The following GABRB1 variants were observed in gnomAD, a reference collection of about 807,000 sequenced individuals.
GABRB1 encodes the protein gamma-aminobutyric acid type A receptor subunit beta1, also known as gamma-aminobutyric acid receptor subunit beta-1.
GABRB1 carries 17 observed loss-of-function variants against 51.6 expected under a neutral mutation model. The ratio of observed to expected loss-of-function variants is 0.33; its 90% CI spans 0.23 to 0.49. The LOEUF is 0.49. Ranked by LOEUF, GABRB1 falls within the 20% of genes least tolerant of loss-of-function variation. The probability of loss-of-function intolerance (pLI) is 0.99; values close to 1 mark genes in which losing one functional copy is unlikely to be tolerated. For missense variants in GABRB1, 410 were observed against 600.6 expected (o/e 0.68, Z 3.32); for synonymous variants, 247 against 218.9 (o/e 1.13, Z -1.14).
chr4:47,190,971 T>C lies in GABRB1; in HGVS notation c.461+29502T>C, dbSNP rs148479061. Among the ~76,000 whole-genome samples, 341 of 152,316 alleles carry C rather than the reference T, an allele frequency of 2.2e-3. 2 individuals are homozygous for C. The highest frequency in any genetic ancestry group is 7.3e-3 in the African/African-American group (302 of 41,572). On this transcript the variant is annotated intron_variant, in intron 4 of 8. Transcript: ENST00000295454. ...CATGTAATTTTTCCTCATACTCACA[T>C]TGCACATTTTATTTCTTGAATTGTC...
At chr4:47,005,739 G>A (rs779081276) in intron 1 of GABRB1, among the ~76,000 whole-genome samples, 1 of 38,600 alleles carries the variant, frequency 2.6e-5, no homozygotes, top group Admixed American at 1.8e-4. Flanking sequence ...TTAGGAACCA[G>A]TGCTTCTGCA....
chr4:47,254,328 G>T (rs1041732018), intron 4 of GABRB1, among the ~76,000 whole-genome samples: 2 of 144,750 alleles, frequency 1.4e-5, no homozygotes, highest in African/African-American at 5.2e-5. Context: ...TCTCTTCCTG[G>T]AATATACATG....
intron 3 of GABRB1, among the ~76,000 whole-genome samples, chr4:47,075,869 G>A (rs1480796023): frequency 6.6e-6 from 1 of 152,126 alleles, no homozygotes; most frequent in African/African-American, 2.4e-5. Context: ...AAATGCAGGA[G>A]TCATGAAAGC....
At chr4:47,211,443 A>G (rs530162793) in intron 4 of GABRB1, among the ~76,000 whole-genome samples, 1 of 152,296 alleles carries the variant, frequency 6.6e-6, no homozygotes, top group African/African-American at 2.4e-5. Context: ...ACAGAAACTC[A>G]TAGATGTTTC....
At chr4:47,405,558 CA>C (rs1452571237) in intron 7 of GABRB1, among the ~76,000 whole-genome samples, 1 of 151,964 alleles carries the variant, frequency 6.6e-6, no homozygotes, top group East Asian at 1.9e-4. Flanking sequence ...TGGCCTAAAA[CA>C]AAATAATTAA....
intron 8 of GABRB1, among the ~76,000 whole-genome samples, chr4:47,422,223 A>G (rs975116251): frequency 2.0e-5 from 3 of 152,168 alleles, no homozygotes; most frequent in Non-Finnish European, 2.9e-5. Flanking sequence ...TTATCCTTCC[A>G]TATCTTTGAC....
intron 3 of GABRB1, among the ~76,000 whole-genome samples, chr4:47,103,533 G>T (rs1479683991): frequency 6.6e-6 from 1 of 151,954 alleles, no homozygotes; most frequent in Non-Finnish European, 1.5e-5. Context: ...ATCAAGGTAT[G>T]TGTGATTGAA....
intron 5 of GABRB1, among the ~76,000 whole-genome samples, chr4:47,393,951 G>A (rs987811567): frequency 2.0e-5 from 3 of 152,212 alleles, no homozygotes; most frequent in Non-Finnish European, 4.4e-5. Context: ...TGCCAGTTTA[G>A]AGAATTAGGT....
At chr4:47,221,523 A>G (rs771167091) in intron 4 of GABRB1, among the ~76,000 whole-genome samples, 26 of 151,880 alleles carry the variant, frequency 1.7e-4, no homozygotes, top group Non-Finnish European at 3.7e-4. Context: ...ATTTTCTCTA[A>G]CTTCTCATTG....
intron 1 of GABRB1, among the ~76,000 whole-genome samples, chr4:47,007,017 G>A (rs1014916017): frequency 2.0e-5 from 3 of 152,038 alleles, no homozygotes; most frequent in Non-Finnish European, 4.4e-5. Flanking sequence ...GCATGTACTT[G>A]TTGTCCCACC....
chr4:47,036,590 A>T (rs1725578233), intron 3 of GABRB1, among the ~76,000 whole-genome samples: 1 of 152,184 alleles, frequency 6.6e-6, no homozygotes, highest in African/African-American at 2.4e-5. Context: ...GGCTGGGTAC[A>T]GTGGCCCCAA....
chr4:47,051,770 G>A lies in GABRB1; in HGVS notation c.240+19286G>A, dbSNP rs374326736. Among the ~76,000 whole-genome samples, 15 of 152,238 alleles carry A rather than the reference G, an allele frequency of 9.9e-5. No homozygotes were observed. The East Asian group carries it at 1.5e-3, about 16-fold the overall frequency. On this transcript the variant is annotated intron_variant, in intron 3 of 8. Transcript: ENST00000295454. ...AAGCACTGGACTTTTAATAGTAGAC[G>A]GTAAAGGCTTCAGGTTAATTTATTT...
intron 3 of GABRB1, among the ~76,000 whole-genome samples, chr4:47,084,351 G>A (rs530739975): frequency 1.3e-4 from 20 of 152,146 alleles, no homozygotes; most frequent in Non-Finnish European, 2.5e-4. Context: ...CCACAGAATG[G>A]GTTAAGCCTG....
intron 4 of GABRB1, among the ~76,000 whole-genome samples, chr4:47,243,568 C>G (rs1578028316): frequency 6.6e-6 from 1 of 152,082 alleles, no homozygotes; most frequent in East Asian, 1.9e-4. Flanking sequence ...TTCGTTGAGC[C>G]ATGGTTGGTA....
At chr4:47,112,454 C>T (rs1161339146) in intron 3 of GABRB1, among the ~76,000 whole-genome samples, 1 of 152,154 alleles carries the variant, frequency 6.6e-6, no homozygotes, top group African/African-American at 2.4e-5. Context: ...AAGTGAATGG[C>T]TTTGGAGGGA....
intron 8 of GABRB1, among the ~76,000 whole-genome samples, chr4:47,413,033 T>G (rs925971057): frequency 4.6e-5 from 7 of 152,226 alleles, no homozygotes. Context: ...AGCCTTCATG[T>G]TGAACATACC....
chr4:47,375,892 G>C (rs543316011), intron 5 of GABRB1, among the ~76,000 whole-genome samples: 1 of 152,316 alleles, frequency 6.6e-6, no homozygotes, highest in African/African-American at 2.4e-5. Context: ...ATAGATCCAT[G>C]AGCTGGGAGC....
At chr4:47,059,514 A>G (rs568209908) in intron 3 of GABRB1, among the ~76,000 whole-genome samples, 1 of 152,312 alleles carries the variant, frequency 6.6e-6, no homozygotes, top group Non-Finnish European at 1.5e-5. Flanking sequence ...TGTAGCTTCT[A>G]TTAATGTCAT....
At chr4:47,399,141 T>A (rs1728293836) in intron 5 of GABRB1, among the ~76,000 whole-genome samples, 1 of 152,208 alleles carries the variant, frequency 6.6e-6, no homozygotes, top group African/African-American at 2.4e-5. Context: ...AGAGAACTAG[T>A]GTTGAAAGTT....
Sources: allele counts gnomAD v4.1 joint callset (sites outside exome capture counted in the v4.1 genomes callset), GRCh38; gene constraint gnomAD v4.1.1; transcripts MANE v1.5; gene names NCBI Gene and HGNC (gene_info 2026-07-23, HGNC 2026-07-21).